Variants in DRC1 observed in about 807,000 individuals in gnomAD.
The protein encoded by DRC1 is dynein regulatory complex subunit 1.
Under a neutral mutation model 98.7 loss-of-function variants are expected in DRC1, and 74 were observed. The observed-to-expected ratio is 0.75, with a 90% CI of 0.62 to 0.91. DRC1 has a LOEUF of 0.91. DRC1 is among the 40% of genes least tolerant of loss of function. DRC1 has a pLI of 0.00. For missense variants in DRC1, 875 were observed against 886.0 expected, an observed-to-expected ratio of 0.99 and a Z score of 0.16; for synonymous variants, 336 against 334.1, an observed-to-expected ratio of 1.01 and a Z score of -0.06.
At chr2:26,445,311 G>T (rs985469290) in intron 10 of DRC1, among the ~76,000 whole-genome samples, 1 of 152,176 alleles carries the variant, frequency 6.6e-6, no homozygotes, top group Non-Finnish European at 1.5e-5. Flanking sequence ...TGATATGTTA[G>T]ATTCTGTTCT....
At chr2:26,407,843 A>T (rs1428513117) in intron 1 of DRC1, among the ~76,000 whole-genome samples, 3 of 152,164 alleles carry the variant, frequency 2.0e-5, no homozygotes, top group Non-Finnish European at 4.4e-5. Flanking sequence ...TTAAATGTTA[A>T]ATCTCCACCC....
intron 12 of DRC1, among the ~76,000 whole-genome samples, chr2:26,450,376 G>A (rs1489218903): frequency 6.6e-6 from 1 of 152,224 alleles, no homozygotes; most frequent in Non-Finnish European, 1.5e-5. Flanking sequence ...CATCCTCACA[G>A]CCATGGGATC....
intron 7 of DRC1, among the ~76,000 whole-genome samples, chr2:26,437,524 G>A (rs1429057897): frequency 2.6e-5 from 4 of 152,168 alleles, no homozygotes; most frequent in Admixed American, 1.3e-4. Context: ...GTGGGCACTT[G>A]CACCCATGGC....
Position 26,456,519 on chromosome 2 carries a change from C to G in DRC1, c.*2C>G, listed in dbSNP as rs766273241. The G allele has an allele frequency of 4.3e-6, 7 of 1,614,098 alleles. No individual in the cohort carries two copies. The South Asian group carries it at 7.7e-5, about 18-fold the overall frequency. On this transcript the variant is annotated 3_prime_UTR_variant, in exon 17 of 17. Transcript: ENST00000288710. ...GTGTTGCGGGTACCCACAAAATGAG[C>G]TGGACCGCCAAAGGCTGATGTGTTA...
At chr2:26,448,199 T>C (rs1663907010) in intron 10 of DRC1, 1 of 342,592 alleles carries the variant, frequency 2.9e-6, no homozygotes, top group Non-Finnish European at 5.5e-6. Context: ...CACTCCAGCC[T>C]GGGTGACAGA....
chr2:26,420,012 G>C (rs997046135), intron 2 of DRC1, among the ~76,000 whole-genome samples: 1 of 152,154 alleles, frequency 6.6e-6, no homozygotes, highest in African/African-American at 2.4e-5. Context: ...TGTCTCAACA[G>C]TTCCGAGTAT....
At chr2:26,426,555 TG>T (rs1410180696) in intron 4 of DRC1, among the ~76,000 whole-genome samples, 1 of 151,784 alleles carries the variant, frequency 6.6e-6, no homozygotes, top group Non-Finnish European at 1.5e-5. Context: ...TTAGTAGAGA[TG>T]GAGTTTCACA....
At position 26,418,688 on chromosome 2, in the gene DRC1, T is replaced by TATATATAAATTATATTTAATTTATATA. The variant is rs1485057847; in HGVS notation, c.244-2572_244-2546dup. ...TATATAAATTAAATATAATTTATAT[T>TATATATAAATTATATTTAATTTATATA]ATATATAAATTATATTTAATTTATA... On this transcript the variant is annotated intron_variant, in intron 2 of 16. Coordinates refer to ENST00000288710, the MANE Select transcript of DRC1 (RefSeq NM_145038.5). Among the ~76,000 whole-genome samples, 230 of 84,870 alleles carry TATATATAAATTATATTTAATTTATATA rather than the reference T, an allele frequency of 2.7e-3. 1 individual carries two copies. The highest frequency in any genetic ancestry group is 3.6e-3 in the South Asian group (11 of 3,050). The allele number at this position is 84,870 out of a possible 152,430, so 55.7% of individuals were successfully genotyped here.
At chr2:26,410,453 G>T (rs1328359336) in intron 1 of DRC1, among the ~76,000 whole-genome samples, 2 of 151,790 alleles carry the variant, frequency 1.3e-5, no homozygotes, top group African/African-American at 4.8e-5. Flanking sequence ...TGTATTTTTA[G>T]TAGAGACAGG....
At chr2:26,414,253 A>G in intron 1 of DRC1, 91 bp from the exon 2 acceptor site, 1 of 1,297,696 alleles carries the variant, frequency 7.7e-7, no homozygotes, top group Non-Finnish European at 1.1e-6. Flanking sequence ...TTGGGATTAC[A>G]GGCATGAGCT....
At chr2:26,448,371 A>C in intron 10 of DRC1, 1 of 542,686 alleles carries the variant, frequency 1.8e-6, no homozygotes, top group South Asian at 1.5e-5. Flanking sequence ...ATGGGCTCAC[A>C]CTCTCCCTCC....
chr2:26,426,046 T>C (rs1663275532), intron 4 of DRC1, among the ~76,000 whole-genome samples: 1 of 152,214 alleles, frequency 6.6e-6, no homozygotes, highest in African/African-American at 2.4e-5. Context: ...TTTAGGTCTT[T>C]AATCGATTTT....
chr2:26,411,841 G>T lies in DRC1; in HGVS notation c.156-2503G>T, dbSNP rs115220478. On this transcript the variant is annotated intron_variant, in intron 1 of 16. Coordinates refer to ENST00000288710, the MANE Select transcript of DRC1 (RefSeq NM_145038.5). The stretch of plus-strand genomic sequence containing the variant: ...CATATCTGGACTGCATGGTTTTTTT[G>T]TTGTTGTTGTTGTTTGTTTGTTTCT... Among the ~76,000 whole-genome samples, 1,321 of 151,368 alleles carry T rather than the reference G, an allele frequency of 8.7e-3. 30 individuals carry two copies. Among genetic ancestry groups the T allele is most frequent in the South Asian group, 0.08 (385 of 4,808 alleles).
At chr2:26,452,610 G>A (rs75698035) in intron 13 of DRC1, among the ~76,000 whole-genome samples, 2,667 of 152,276 alleles carry the variant, frequency 0.018, 76 homozygotes, top group African/African-American at 0.059. Context: ...TACATTGTTT[G>A]AAATGGCAGA....
At chr2:26,417,970 ATCT>A (rs1678865373) in intron 2 of DRC1, among the ~76,000 whole-genome samples, 1 of 151,950 alleles carries the variant, frequency 6.6e-6, no homozygotes, top group Non-Finnish European at 1.5e-5. Flanking sequence ...CTAATTTTAT[ATCT>A]TCTATTTTTT....
At chr2:26,430,450 G>A (rs1358691276) in intron 5 of DRC1, 1 of 483,396 alleles carries the variant, frequency 2.1e-6, no homozygotes, top group Admixed American at 2.3e-5. Flanking sequence ...ACGCATCAGT[G>A]GTAGTCACAG....
chr2:26,442,874 C>T (rs1398460111), intron 8 of DRC1, among the ~76,000 whole-genome samples: 5 of 152,170 alleles, frequency 3.3e-5, no homozygotes, highest in Admixed American at 6.5e-5. Flanking sequence ...ACTTCCTCGC[C>T]TGCTATCTTG....
chr2:26,417,519 G>A (rs1678849775), intron 2 of DRC1, among the ~76,000 whole-genome samples: 1 of 152,016 alleles, frequency 6.6e-6, no homozygotes, highest in African/African-American at 2.4e-5. Flanking sequence ...ACCGGAGACG[G>A]GATTTCACCA....
In DRC1 at chr2:26,402,111, T is replaced by A. The variant is rs546435289; in HGVS notation, c.122T>A (p.Leu41His). ...CAGGAGCGCATCCAGGCCCGGCGCC[T>A]CCGCATCGCTGCGCGCTTAGAAGCC... ...NSQERIQARR[L>H]RIAARLEARR... The change falls in exon 1 of 17, where the codon CTC becomes CAC. Residue 41 changes from leucine (L) to histidine (H), a missense_variant. Leu to His is a moderately conservative substitution (Grantham distance 99). Coordinates refer to ENST00000288710, the MANE Select transcript of DRC1 (RefSeq NM_145038.5). The A allele has an allele frequency of 1.2e-6, 2 of 1,611,440 alleles. No individual in the cohort carries two copies. Among genetic ancestry groups the A allele is most frequent in the South Asian group, 2.2e-5 (2 of 90,926 alleles).
Sources: gnomAD v4.1 joint callset for allele counts (sites outside exome capture counted in the v4.1 genomes callset) on GRCh38, gnomAD v4.1.1 for gene constraint, MANE v1.5 for transcripts, NCBI Gene and HGNC (gene_info 2026-07-23, HGNC 2026-07-21) for gene names.